The following SYNE2 variants were observed in gnomAD, a reference collection of about 807,000 sequenced individuals.
SYNE2 encodes the protein nesprin-2.
Under a neutral mutation model 856.3 loss-of-function variants are expected in SYNE2, and 431 were observed. The observed-to-expected ratio is 0.50, with a 90% CI of 0.47 to 0.55. The LOEUF (loss-of-function observed/expected upper bound fraction) is 0.55. Ranked by LOEUF, SYNE2 falls within the 20% of genes least tolerant of loss-of-function variation. The probability of loss-of-function intolerance (pLI) is 0.00; values close to 1 mark genes in which losing one functional copy is unlikely to be tolerated. For synonymous variants in SYNE2, 2,923 were observed against 2,872.3 expected, an observed-to-expected ratio of 1.02 and a Z score of -0.56; for missense variants, 8,129 against 8,023.2, an observed-to-expected ratio of 1.01 and a Z score of -0.50.
In SYNE2 at chr14:64,219,360, A is replaced by G. The variant is rs1318962171; in HGVS notation, c.19810A>G (p.Lys6604Glu). 2.5e-6 allele frequency: 4 copies of G among 1,614,162 alleles called. No individual in the cohort carries two copies. Among genetic ancestry groups the G allele is most frequent in the Non-Finnish European group, 3.4e-6 (4 of 1,180,036 alleles). The change falls in exon 110 of 116, where the codon AAG becomes GAG. Residue 6604 changes from lysine (K) to glutamate (E), a missense_variant. Lys to Glu is a moderately conservative substitution (Grantham distance 56). Transcript: ENST00000555002. ...EAELEMLKMA[K>E]PPSDIQEIEL... ...AGAGCTGGAAATGTTAAAGATGGCA[A>G]AGCCTCCCTCTGATATCCAGGAAAT...
At chr14:63,820,145 G>A (rs1227750561) in intron 1 of SYNE2, among the ~76,000 whole-genome samples, 1 of 152,020 alleles carries the variant, frequency 6.6e-6, no homozygotes, top group Admixed American at 6.6e-5. Context: ...CTGAAAAAGG[G>A]CAAAGTTGGA....
chr14:64,001,196 G>T (rs1462090917), intron 28 of SYNE2, among the ~76,000 whole-genome samples: 1 of 152,098 alleles, frequency 6.6e-6, no homozygotes, highest in African/African-American at 2.4e-5. Flanking sequence ...TTTATTATCA[G>T]TAGTGCCTAT....
intron 23 of SYNE2, 109 bp downstream of exon 23, chr14:63,995,311 CCCT>C: frequency 1.2e-6 from 1 of 861,672 alleles, no homozygotes; most frequent in Non-Finnish European, 1.9e-6. Context: ...ATTACCCTAG[CCCT>C]CCTCTCCCCG....
At chr14:64,177,610 T>G in intron 96 of SYNE2, 127 bp downstream of exon 96, 1 of 1,250,456 alleles carries the variant, frequency 8.0e-7, no homozygotes, top group South Asian at 1.2e-5. Flanking sequence ...ATTTTCCCGA[T>G]CTGTCTAACA....
chr14:63,900,828 T>TC (rs1471673972), intron 1 of SYNE2, among the ~76,000 whole-genome samples: 1 of 152,208 alleles, frequency 6.6e-6, no homozygotes, highest in African/African-American at 2.4e-5. Context: ...TTGCAGTGTT[T>TC]CACCAACTTT....
chr14:63,905,882 C>A (rs2095403334), intron 1 of SYNE2, among the ~76,000 whole-genome samples: 1 of 152,132 alleles, frequency 6.6e-6, no homozygotes, highest in South Asian at 2.1e-4. Flanking sequence ...TTCTGACTCT[C>A]AGGGGGAATT....
chr14:64,080,679 T>A, intron 56 of SYNE2, 41 bp downstream of exon 56: 1 of 1,605,530 alleles, frequency 6.2e-7, no homozygotes. Flanking sequence ...CATGTGGTGG[T>A]ATTGAGATGG....
chr14:64,111,131 C>T (rs1229780110), intron 65 of SYNE2, among the ~76,000 whole-genome samples: 4 of 150,336 alleles, frequency 2.7e-5, no homozygotes, highest in Non-Finnish European at 1.5e-5. Flanking sequence ...TTTGAGAGGC[C>T]GAGGCAGGAG....
chr14:64,132,695 T>A (rs1340777655), intron 77 of SYNE2, among the ~76,000 whole-genome samples: 1 of 152,202 alleles, frequency 6.6e-6, no homozygotes, highest in Non-Finnish European at 1.5e-5. Flanking sequence ...AGCAAAACGA[T>A]AAGCACTTTG....
intron 49 of SYNE2, among the ~76,000 whole-genome samples, chr14:64,060,060 G>A (rs548017753): frequency 2.6e-5 from 4 of 152,256 alleles, no homozygotes; most frequent in African/African-American, 9.6e-5. Context: ...CAGTGGGCTC[G>A]CTCCTCTGGC....
intron 76 of SYNE2, among the ~76,000 whole-genome samples, chr14:64,132,028 G>C (rs558757783): frequency 7.2e-5 from 11 of 151,932 alleles, no homozygotes; most frequent in Non-Finnish European, 1.2e-4. Context: ...CCGCCTCCCG[G>C]GTTCAAATGA....
Position 64,096,214 on chromosome 14 carries a change from A to T in SYNE2, c.12109-1735A>T, listed in dbSNP as rs759238179. Among the ~76,000 whole-genome samples the T allele has an allele frequency of 7.5e-4, 115 of 152,320 alleles. 3 individuals are homozygous for T. Among genetic ancestry groups the T allele is most frequent in the Non-Finnish European group, 2.4e-4 (16 of 68,024 alleles). ...ACTAAGACACATATTTTTATCAAGG[A>T]CATTCTTAAGGAAAATGGAATTTTT... On this transcript the variant is annotated intron_variant, in intron 61 of 115. Transcript: ENST00000555002.
At position 64,114,555 on chromosome 14, in the gene SYNE2, C is replaced by A. The variant is rs565879032; in HGVS notation, c.12840+984C>A. On this transcript the variant is annotated intron_variant, in intron 66 of 115. Transcript: ENST00000555002. ...TGTAAGCCCATAGTCTTAACAACAT[C>A]CAGGAACCAGACAGACAGGCCAGCC... 3.9e-5 allele frequency among the ~76,000 whole-genome samples: 6 copies of A among 152,232 alleles called. No individual in the cohort carries two copies. The South Asian group carries it at 1.2e-3, about 32-fold the overall frequency.
At chr14:63,913,321 G>A (rs1477149166) in intron 2 of SYNE2, among the ~76,000 whole-genome samples, 3 of 152,084 alleles carry the variant, frequency 2.0e-5, no homozygotes, top group African/African-American at 7.2e-5. Context: ...GTTAGGAAGA[G>A]AAAGGAATGG....
intron 12 of SYNE2, 81 bp from the exon 13 acceptor site, chr14:63,977,824 T>C (rs1412275543): frequency 1.0e-6 from 1 of 963,960 alleles, no homozygotes; most frequent in African/African-American, 1.6e-5. Context: ...AAAAAAGATG[T>C]AATGCAAGTG....
intron 8 of SYNE2, chr14:63,956,529 A>G: frequency 2.3e-6 from 1 of 434,712 alleles, no homozygotes; most frequent in Non-Finnish European, 4.6e-6. Flanking sequence ...TGGATTTGTC[A>G]CTTAATCTTT....
At chr14:64,160,291 C>A (rs533843802) in intron 87 of SYNE2, among the ~76,000 whole-genome samples, 3 of 152,136 alleles carry the variant, frequency 2.0e-5, no homozygotes, top group Non-Finnish European at 4.4e-5. Context: ...TCAGTTGTTA[C>A]GCTGCACGTA....
intron 56 of SYNE2, 111 bp downstream of exon 56, chr14:64,080,749 A>T: frequency 7.3e-7 from 1 of 1,377,722 alleles, no homozygotes; most frequent in Non-Finnish European, 1.0e-6. Flanking sequence ...TCAGTTTTGG[A>T]CTTGAAGCTG....
chr14:64,106,314 A>G (rs527900907), intron 64 of SYNE2, among the ~76,000 whole-genome samples: 1 of 152,108 alleles, frequency 6.6e-6, no homozygotes, highest in African/African-American at 2.4e-5. Flanking sequence ...TTTTCTATGT[A>G]GGGGTTGATG....
Sources: allele counts gnomAD v4.1 joint callset (sites outside exome capture counted in the v4.1 genomes callset), GRCh38; gene constraint gnomAD v4.1.1; transcripts MANE v1.5; gene names NCBI Gene and HGNC (gene_info 2026-07-23, HGNC 2026-07-21).